HTR1D: variants seen among roughly 807,000 people sequenced by gnomAD.
HTR1D encodes the protein 5-HT-1D.
A neutral mutation model predicts 21.1 loss-of-function variants in HTR1D; 18 were observed. The observed-to-expected ratio is 0.85, with a 90% CI of 0.59 to 1.27. The LOEUF (loss-of-function observed/expected upper bound fraction) is 1.27. HTR1D is among the 50% of genes most tolerant of loss of function. The pLI is 0.00. For missense variants in HTR1D, 456 were observed against 481.4 expected (o/e 0.95, Z 0.49); for synonymous variants, 196 against 204.4 (o/e 0.96, Z 0.35).
intron 1 of HTR1D, among the ~76,000 whole-genome samples, chr1:23,202,452 G>C (rs1038968385): frequency 6.6e-6 from 1 of 152,132 alleles, no homozygotes; most frequent in Non-Finnish European, 1.5e-5. Flanking sequence ...TTCCTATCCA[G>C]GGCTCATTCA....
At chr1:23,210,517 G>A (rs1028018374) in intron 1 of HTR1D, among the ~76,000 whole-genome samples, 1 of 152,086 alleles carries the variant, frequency 6.6e-6, no homozygotes, top group Admixed American at 6.6e-5. Flanking sequence ...CATCTAGTCC[G>A]ACTCCCTCAT....
At chr1:23,201,007 A>C (rs1173716660) in intron 1 of HTR1D, among the ~76,000 whole-genome samples, 1 of 152,124 alleles carries the variant, frequency 6.6e-6, no homozygotes, top group East Asian at 1.9e-4. Context: ...GGCATCTCTG[A>C]AGAGGGGTGG....
rs1197308794 is a variant in HTR1D at position 23,207,826 on chromosome 1, A to T, written c.-783+9465T>A. 6.3e-5 allele frequency among the ~76,000 whole-genome samples: 9 copies of T among 142,094 alleles called. No homozygotes were observed. In the South Asian group the frequency reaches 2.1e-3, roughly 33 times the overall value. The allele number at this position is 142,094 out of a possible 152,430, so 93.2% of individuals were successfully genotyped here. On this transcript the variant is annotated intron_variant, in intron 1 of 1. Transcript: ENST00000374619. ...ACCAAGACTGGAGTACAGTGGTGCG[A>T]TCTCAGCTCACTGCAACCTCCGCCC...
intron 1 of HTR1D, among the ~76,000 whole-genome samples, chr1:23,207,279 C>T (rs1425610661): frequency 2.6e-5 from 4 of 151,942 alleles, no homozygotes; most frequent in Admixed American, 6.6e-5. Context: ...TGTGGTGGTA[C>T]GTGCCTGTAG....
chr1:23,215,603 C>G lies in HTR1D; in HGVS notation c.-783+1688G>C, dbSNP rs80295400. On this transcript the variant is annotated intron_variant, in intron 1 of 1. Transcript: ENST00000374619. Reference sequence around the variant, plus strand: ...TATTTCTGCTCACATTCACATTACTCTCACCAAAAAGAATAGTCATCCATC... The same window carrying G: ...TATTTCTGCTCACATTCACATTACTGTCACCAAAAAGAATAGTCATCCATC... Among the ~76,000 whole-genome samples the G allele has an allele frequency of 7.6e-3, 1,161 of 152,334 alleles. 19 individuals carry two copies. Among genetic ancestry groups the G allele is most frequent in the African/African-American group, 0.024 (1,008 of 41,580 alleles).
At position 23,193,991 on chromosome 1, in the gene HTR1D, T is replaced by C. The variant is rs1227901890; in HGVS notation, c.229A>G (p.Ile77Val). Residue 77 changes from isoleucine (I) to valine (V), a missense_variant, in exon 2 of 2, where the codon ATT becomes GTT. Transcript: ENST00000374619. ...RKLHTPANYL[I>V]GSLATTDLLV... is the part of the protein sequence containing the mutation. Reference sequence around the variant, plus strand: ...AGGTCGGTGGTGGCCAGGGAGCCAATCAGGTAGTTGGCAGGGGTGTGGAGC... The same window carrying C: ...AGGTCGGTGGTGGCCAGGGAGCCAACCAGGTAGTTGGCAGGGGTGTGGAGC... The C allele has an allele frequency of 1.2e-6, 2 of 1,613,862 alleles. No homozygotes were observed. Among genetic ancestry groups the C allele is most frequent in the South Asian group, 2.2e-5 (2 of 91,054 alleles).
intron 1 of HTR1D, among the ~76,000 whole-genome samples, chr1:23,213,951 C>T (rs1430598746): frequency 6.6e-6 from 1 of 152,186 alleles, no homozygotes; most frequent in East Asian, 1.9e-4. Context: ...CCTTTAAGCC[C>T]TCTCCCGACT....
intron 1 of HTR1D, among the ~76,000 whole-genome samples, chr1:23,201,630 C>G (rs1274600611): frequency 6.6e-6 from 1 of 152,146 alleles, no homozygotes; most frequent in African/African-American, 2.4e-5. Flanking sequence ...GCTCTCACTG[C>G]AGCCTCGATC....
chr1:23,196,835 G>T (rs1021862363), intron 1 of HTR1D, among the ~76,000 whole-genome samples: 6 of 152,112 alleles, frequency 3.9e-5, no homozygotes, highest in Admixed American at 3.9e-4. Context: ...TTCTACCCTT[G>T]CCTACATTGC....
At chr1:23,207,850 C>T (rs1338479452) in intron 1 of HTR1D, among the ~76,000 whole-genome samples, 1 of 151,770 alleles carries the variant, frequency 6.6e-6, no homozygotes, top group Non-Finnish European at 1.5e-5. Flanking sequence ...CAACCTCCGC[C>T]CACCAGGGTC....
chr1:23,215,533 G>C (rs1413233109), intron 1 of HTR1D, among the ~76,000 whole-genome samples: 2 of 152,216 alleles, frequency 1.3e-5, no homozygotes, highest in Non-Finnish European at 2.9e-5. Flanking sequence ...TCTGTGCAAT[G>C]AAAGAGACCT....
rs774702834 is a variant in HTR1D at position 23,213,722 on chromosome 1, ATTTT to A, written c.-783+3565_-783+3568del. On this transcript the variant is annotated intron_variant, in intron 1 of 1. Transcript: ENST00000374619. ...TGTTGTACTCCTGTCTGCTTTCTAA[ATTTT>A]TTTTGTTTGTTTTTTAGAGATGGGG... 6.6e-5 allele frequency among the ~76,000 whole-genome samples: 10 copies of A among 151,754 alleles called. No individual in the cohort carries two copies. In the East Asian group the frequency reaches 1.9e-3, roughly 29 times the overall value.
rs1160895382 is a variant in HTR1D, at chr1:23,193,346, A to G, written c.874T>C (p.Ser292Pro). 1 of 1,614,172 alleles carries G rather than the reference A, an allele frequency of 6.2e-7. No homozygotes were observed. Among genetic ancestry groups the G allele is most frequent in the Non-Finnish European group, 8.5e-7 (1 of 1,180,040 alleles). ...ADSALERKRI[S>P]AARERKATKI... ...GTGGCTTTCCTTTCTCGAGCAGCAG[A>G]AATCCTCTTGCGTTCCAGGGCACTG... The change falls in exon 2 of 2, where the codon TCT (serine) becomes CCT (proline). Residue 292 changes from serine to proline, a missense_variant. Coordinates refer to ENST00000374619, the MANE Select transcript of HTR1D (RefSeq NM_000864.5).
At chr1:23,205,193 G>A (rs1234668307) in intron 1 of HTR1D, among the ~76,000 whole-genome samples, 1 of 151,176 alleles carries the variant, frequency 6.6e-6, no homozygotes, top group African/African-American at 2.4e-5. Flanking sequence ...ACTAAACAAT[G>A]AGGATGCAAA....
At chr1:23,208,782 C>T (rs1644742362) in intron 1 of HTR1D, among the ~76,000 whole-genome samples, 1 of 152,038 alleles carries the variant, frequency 6.6e-6, no homozygotes, top group Non-Finnish European at 1.5e-5. Flanking sequence ...ATATATGGCA[C>T]AGCTGGGATT....
At chr1:23,202,513 TG>T (rs1245170514) in intron 1 of HTR1D, among the ~76,000 whole-genome samples, 2 of 152,184 alleles carry the variant, frequency 1.3e-5, no homozygotes, top group African/African-American at 4.8e-5. Context: ...TTTAACTAAG[TG>T]AGTCATAAAA....
chr1:23,209,641 C>T (rs903427886), intron 1 of HTR1D, among the ~76,000 whole-genome samples: 2 of 152,060 alleles, frequency 1.3e-5, no homozygotes, highest in Admixed American at 1.3e-4. Flanking sequence ...TAAGTCTGAC[C>T]GCAACCCTCT....
intron 1 of HTR1D, among the ~76,000 whole-genome samples, chr1:23,195,379 TGG>T (rs9282707): frequency 1.7e-4 from 25 of 150,900 alleles, no homozygotes; most frequent in Middle Eastern, 3.4e-3. Flanking sequence ...CTACAAAGTA[TGG>T]GGGGGGGTGG....
intron 1 of HTR1D, among the ~76,000 whole-genome samples, chr1:23,215,193 G>A (rs995157032): frequency 3.9e-5 from 6 of 152,170 alleles, no homozygotes. Context: ...AAGGAGGGTG[G>A]ATTCTTTGAG....
Sources: allele counts gnomAD v4.1 joint callset (sites outside exome capture counted in the v4.1 genomes callset), GRCh38; gene constraint gnomAD v4.1.1; transcripts MANE v1.5; gene names NCBI Gene and HGNC (gene_info 2026-07-23, HGNC 2026-07-21).